GCA: variants seen among roughly 807,000 people sequenced by gnomAD.
GCA encodes the protein grancalcin, EF-hand calcium-binding protein.
Under a neutral mutation model 32.6 loss-of-function variants are expected in GCA, and 30 were observed. The observed-to-expected ratio is 0.92, with a 90% confidence interval of 0.69 to 1.25. GCA has a LOEUF of 1.25. Ranked by LOEUF, GCA falls within the 50% of genes most tolerant of loss-of-function variation. The pLI, the probability that GCA is intolerant of heterozygous loss-of-function variation, is 0.00. For synonymous variants in GCA, 102 were observed against 84.6 expected, an observed-to-expected ratio of 1.21 and a Z score of -1.13; for missense variants, 291 against 266.8, an observed-to-expected ratio of 1.09 and a Z score of -0.63.
downstream of GCA, among the ~76,000 whole-genome samples, chr2:162,365,122 T>C (rs1685709829): frequency 6.6e-6 from 1 of 151,530 alleles, no homozygotes; most frequent in Non-Finnish European, 1.5e-5. Context: ...TTGGCTTCTC[T>C]AGTAAAAGTA....
At chr2:162,359,365 T>C in intron 6 of GCA, 129 bp from the exon 7 acceptor site, 1 of 594,134 alleles carries the variant, frequency 1.7e-6, no homozygotes, top group Non-Finnish European at 3.0e-6. Flanking sequence ...ATATCTCTGT[T>C]GCCAGGGCTA....
At chr2:162,371,366 T>C (rs1333656984) in exon 5 of GCA, 1 of 1,288,798 alleles carries the variant, frequency 7.8e-7, no homozygotes, top group Non-Finnish European at 1.0e-6. Flanking sequence ...TGAATCTGTG[T>C]GCAAAAGTGA....
At chr2:162,327,377 T>C (rs890769682) in intron 1 of GCA, among the ~76,000 whole-genome samples, 10 of 152,176 alleles carry the variant, frequency 6.6e-5, no homozygotes, top group African/African-American at 2.2e-4. Flanking sequence ...CCCTCTCACT[T>C]GGTAAAAAAC....
At chr2:162,330,007 T>C (rs903099872) in intron 1 of GCA, among the ~76,000 whole-genome samples, 2 of 152,226 alleles carry the variant, frequency 1.3e-5, no homozygotes, top group African/African-American at 4.8e-5. Context: ...TATGATCTCA[T>C]TCTTTTTTAT....
intron 1 of GCA, among the ~76,000 whole-genome samples, chr2:162,335,079 G>C (rs1684224221): frequency 6.6e-6 from 1 of 152,054 alleles, no homozygotes; most frequent in South Asian, 2.1e-4. Context: ...AGCCTTATTA[G>C]TTTAACCTAC....
At chr2:162,351,210 G>C (rs1290176366) in intron 2 of GCA, among the ~76,000 whole-genome samples, 1 of 152,136 alleles carries the variant, frequency 6.6e-6, no homozygotes, top group Non-Finnish European at 1.5e-5. Flanking sequence ...TTTAACTTTT[G>C]TATGCACACT....
At chr2:162,348,607 C>T (rs1469106020) in intron 2 of GCA, among the ~76,000 whole-genome samples, 2 of 152,054 alleles carry the variant, frequency 1.3e-5, no homozygotes, top group Non-Finnish European at 2.9e-5. Context: ...ATTTAAAGGA[C>T]TGACTTTATT....
At chr2:162,341,952 T>C (rs1015336435), upstream of GCA, among the ~76,000 whole-genome samples, 3 of 152,254 alleles carry the variant, frequency 2.0e-5, no homozygotes, top group African/African-American at 2.4e-5. Flanking sequence ...CAATGCCTAG[T>C]ACGTCGTATT....
chr2:162,373,219 T>TAA (rs199565037), downstream of GCA, among the ~76,000 whole-genome samples: 4 of 151,988 alleles, frequency 2.6e-5, no homozygotes, highest in Non-Finnish European at 4.4e-5. Context: ...GTTTTCCTTT[T>TAA]AAAAAAAATG....
At chr2:162,323,421 C>T (rs548971258) in intron 1 of GCA, among the ~76,000 whole-genome samples, 2 of 151,770 alleles carry the variant, frequency 1.3e-5, no homozygotes, top group South Asian at 2.1e-4. Context: ...AATTAGATAC[C>T]GTTTGTCAAT....
chr2:162,369,669 G>A (rs1685862815), intron 4 of GCA, among the ~76,000 whole-genome samples: 1 of 152,056 alleles, frequency 6.6e-6, no homozygotes, highest in African/African-American at 2.4e-5. Context: ...CCCTACAAAT[G>A]AACATTCTCT....
downstream of GCA, among the ~76,000 whole-genome samples, chr2:162,364,642 G>A (rs1173950096): frequency 6.6e-6 from 1 of 151,444 alleles, no homozygotes; most frequent in East Asian, 1.9e-4. Context: ...ATAGTCCTTA[G>A]CTTACATGCC....
At chr2:162,354,391 A>G (rs1685153924) in intron 3 of GCA, among the ~76,000 whole-genome samples, 1 of 152,038 alleles carries the variant, frequency 6.6e-6, no homozygotes, top group Non-Finnish European at 1.5e-5. Context: ...ATCTTTTGTA[A>G]ATTGTCCTTT....
upstream of GCA, among the ~76,000 whole-genome samples, chr2:162,341,031 A>G (rs1207683206): frequency 6.6e-6 from 1 of 151,882 alleles, no homozygotes; most frequent in Non-Finnish European, 1.5e-5. Flanking sequence ...TTACTTACTC[A>G]TCATTTTTAC....
chr2:162,372,907 C>T (rs1013820721), downstream of GCA, among the ~76,000 whole-genome samples: 16 of 152,210 alleles, frequency 1.1e-4, no homozygotes, highest in African/African-American at 3.9e-4. Context: ...CTTCTCTTAC[C>T]ATGTTTATCA....
rs1230406234 is a variant in GCA, at chr2:162,347,589, T to C, written c.39T>C (p.Phe13=). ...TTTCACTATTATAGTTTGGAAATTT[T>C]AGCATTCAGGTGCCAGGAATGCAGA... ...YPGYGGGFGN[F]SIQVPGMQMG... is the part of the protein sequence containing the mutation. The change falls in exon 2 of 8, where the codon TTT becomes TTC. Residue 13 remains phenylalanine (F), a synonymous_variant. Coordinates refer to ENST00000437150, the MANE Select transcript of GCA (RefSeq NM_012198.5). 4 of 1,604,324 alleles carry C rather than the reference T, an allele frequency of 2.5e-6. No homozygotes were observed. Among genetic ancestry groups the C allele is most frequent in the Non-Finnish European group, 3.4e-6 (4 of 1,173,528 alleles).
chr2:162,324,105 G>A (rs939369684), intron 1 of GCA, among the ~76,000 whole-genome samples: 2 of 152,130 alleles, frequency 1.3e-5, no homozygotes, highest in Admixed American at 6.5e-5. Flanking sequence ...GTGTCTAGGG[G>A]TGGATGTTTA....
chr2:162,329,329 A>ACTT (rs1683994856), intron 1 of GCA, among the ~76,000 whole-genome samples: 1 of 152,194 alleles, frequency 6.6e-6, no homozygotes, highest in South Asian at 2.1e-4. Flanking sequence ...TCTTAAAGTA[A>ACTT]GAGAGTAGGA....
chr2:162,337,653 G>GATC (rs1348816467), intron 1 of GCA, among the ~76,000 whole-genome samples: 10 of 152,142 alleles, frequency 6.6e-5, no homozygotes, highest in African/African-American at 2.4e-4. Flanking sequence ...ACCCATAACT[G>GATC]ATCATGGGTC....
Sources: allele counts gnomAD v4.1 joint callset (sites outside exome capture counted in the v4.1 genomes callset), GRCh38; gene constraint gnomAD v4.1.1; transcripts MANE v1.5; gene names NCBI Gene and HGNC (gene_info 2026-07-23, HGNC 2026-07-21).